GUCD1: variants seen among roughly 807,000 people sequenced by gnomAD.
The protein encoded by GUCD1 is protein GUCD1.
Under a neutral mutation model 28.3 loss-of-function variants are expected in GUCD1, and 17 were observed. That is an observed-to-expected ratio of 0.60 (90% CI 0.41 to 0.90). The LOEUF is 0.90. Among genes scored for constraint, GUCD1 ranks in the 40% least tolerant of loss-of-function variants. The pLI is 0.00. For synonymous variants in GUCD1, 129 were observed against 123.3 expected, an observed-to-expected ratio of 1.05 and a Z score of -0.30; for missense variants, 279 against 305.5, an observed-to-expected ratio of 0.91 and a Z score of 0.65.
chr22:24,555,543 C>T, upstream of GUCD1: 3 of 1,489,642 alleles, frequency 2.0e-6, no homozygotes, highest in South Asian at 1.2e-5. Flanking sequence ...TAACCCTGAG[C>T]GGGCAGCCGC....
rs2012212 is a variant in GUCD1 at position 24,542,362 on chromosome 22, C to G, written c.*644G>C. ...TGGAGGACCTGGAGGGCTGTGGGGGCTTTAAGAGTCTCCAGCGGCCAGGGC... is the reference window on the plus strand; with the variant it reads ...TGGAGGACCTGGAGGGCTGTGGGGGGTTTAAGAGTCTCCAGCGGCCAGGGC... On this transcript the variant is annotated 3_prime_UTR_variant, in exon 6 of 6. Transcript: ENST00000435822. 151,490 of 152,496 alleles carry G rather than the reference C, an allele frequency of 0.99. 75,297 individuals are homozygous for G. The highest frequency in any genetic ancestry group is 1 in the Middle Eastern group (296 of 296). The allele number at this position is 152,496 out of a possible 1,614,324, so 9.4% of individuals were successfully genotyped here.
At chr22:24,547,869 G>A (rs2044768576) in intron 3 of GUCD1, 39 bp downstream of exon 3, 2 of 1,610,008 alleles carry the variant, frequency 1.2e-6, no homozygotes, top group African/African-American at 2.7e-5. Context: ...ATACCTCTGT[G>A]TGGCCCCACA....
intron 4 of GUCD1, 25 bp from the exon 5 acceptor site, chr22:24,544,108 G>T (rs951282111): frequency 2.5e-6 from 4 of 1,598,754 alleles, no homozygotes; most frequent in Admixed American, 1.7e-5. Context: ...GGGGTCAGCT[G>T]GTGCTGCTGG....
intron 4 of GUCD1, among the ~76,000 whole-genome samples, chr22:24,546,567 C>T (rs2147080045): frequency 6.6e-6 from 1 of 152,336 alleles, no homozygotes; most frequent in South Asian, 2.1e-4. Flanking sequence ...ACTGCACCAG[C>T]ACATTCCTCT....
In GUCD1 at chr22:24,542,617, C is replaced by A; in HGVS notation, c.*389G>T. 3.9e-6 allele frequency: 1 copy of A among 256,614 alleles called. No individual in the cohort carries two copies. 15.9% of individuals were successfully genotyped at this position (256,614 alleles called of 1,614,324 possible). A position where few individuals can be genotyped will look rare whatever the true frequency, so the allele number is the denominator to read the frequency against. On this transcript the variant is annotated 3_prime_UTR_variant, in exon 6 of 6. Transcript: ENST00000435822. Reference sequence around the variant, plus strand: ...TGTCTCCAGACACTCACATACTGTCCTGACAAGTGGCATCCGTCAAGCAAC... The same window carrying A: ...TGTCTCCAGACACTCACATACTGTCATGACAAGTGGCATCCGTCAAGCAAC...
At chr22:24,555,550 C>T (rs2045037329), upstream of GUCD1, 2 of 1,512,750 alleles carry the variant, frequency 1.3e-6, no homozygotes, top group Non-Finnish European at 1.8e-6. Context: ...GAGCGGGCAG[C>T]CGCTCTACTC....
Position 24,546,028 on chromosome 22 carries a change from C to T in GUCD1, c.386+886G>A, listed in dbSNP as rs569920850. ...CCAGGCCGGAGTGCAGTGGCACTAT[C>T]TCGGCTCACTGCAAGCTCCGCCTCC... On this transcript the variant is annotated intron_variant, in intron 4 of 5. Transcript: ENST00000435822. 1.4e-4 allele frequency among the ~76,000 whole-genome samples: 21 copies of T among 151,990 alleles called. No individual in the cohort carries two copies. The East Asian group carries it at 4.1e-3, about 30-fold the overall frequency.
rs1430686343 is a variant in GUCD1 at position 24,542,959 on chromosome 22, G to T, written c.*47C>A. 3 of 1,402,002 alleles carry T rather than the reference G, an allele frequency of 2.1e-6. No individual in the cohort carries two copies. Among genetic ancestry groups the T allele is most frequent in the Non-Finnish European group, 1.0e-6 (1 of 987,668 alleles). 86.8% of individuals were successfully genotyped at this position (1,402,002 alleles called of 1,614,324 possible). A position where few individuals can be genotyped will look rare whatever the true frequency, so the allele number is the denominator to read the frequency against. On this transcript the variant is annotated 3_prime_UTR_variant, in exon 6 of 6. Transcript: ENST00000435822. Reference sequence around the variant, plus strand: ...CAGGGCATCCTGAGCGGGCCCGGCTGGGGTGGGGATGGGGTCCGAGGGCCT... The same window carrying T: ...CAGGGCATCCTGAGCGGGCCCGGCTTGGGTGGGGATGGGGTCCGAGGGCCT...
chr22:24,547,146 T>C (rs899553857), intron 3 of GUCD1, 141 bp from the exon 4 acceptor site: 8 of 665,336 alleles, frequency 1.2e-5, no homozygotes, highest in Admixed American at 1.1e-4. Flanking sequence ...AGACGGTACA[T>C]GCAGCAAGCC....
Position 24,555,117 on chromosome 22 carries a change from G to C in GUCD1, c.-126C>G. 7.6e-7 allele frequency: 1 copy of C among 1,317,908 alleles called. No homozygotes were observed. The highest frequency in any genetic ancestry group is 9.7e-7 in the Non-Finnish European group (1 of 1,034,218). The allele number at this position is 1,317,908 out of a possible 1,614,324, so 81.6% of individuals were successfully genotyped here. ...CTCCGCCACCGCCGCCGCTGCGGAG[G>C]AGAGAACGGGAGGCGGCGGCTGGGC... On this transcript the variant is annotated 5_prime_UTR_variant, in exon 1 of 6. Coordinates refer to ENST00000435822, the MANE Select transcript of GUCD1 (RefSeq NM_001284254.2).
chr22:24,543,908 T>G lies in GUCD1; in HGVS notation c.562A>C (p.Ile188Leu). The G allele has an allele frequency of 6.2e-7, 1 of 1,613,980 alleles. No individual in the cohort carries two copies. The highest frequency in any genetic ancestry group is 8.5e-7 in the Non-Finnish European group (1 of 1,179,944). ...CRTPDYQGHF[I>L]VLRGYNRATG... ...GCCCGGTTGTAGCCACGCAGCACGATGAAGTGGCCCTGGTAGTCAGGAGTG... is the reference window on the plus strand; with the variant it reads ...GCCCGGTTGTAGCCACGCAGCACGAGGAAGTGGCCCTGGTAGTCAGGAGTG... Residue 188 changes from isoleucine (I) to leucine (L), a missense_variant, in exon 5 of 6, where the codon ATC becomes CTC. Transcript: ENST00000435822.
rs749137861 is a variant in GUCD1 at position 24,547,911 on chromosome 22, G to A, written c.291C>T (p.Asn97=). ...GGCCTGGTGGCTGGTCGCTCACCTG[G>A]TTCTTGTAGCCCTTGTCGACACCCA... is the stretch of plus-strand genomic sequence containing the variant. ...QTLGVDKGYK[N]QSFYRKHFDT... Residue 97 remains asparagine, a synonymous_variant, in exon 3 of 6, where the codon AAC becomes AAT. Transcript: ENST00000435822. 1.1e-5 allele frequency: 17 copies of A among 1,614,070 alleles called. No individual in the cohort carries two copies. Among genetic ancestry groups the A allele is most frequent in the Middle Eastern group, 1.7e-4 (1 of 6,050 alleles).
At chr22:24,548,305 G>A (rs2044783108) in intron 2 of GUCD1, among the ~76,000 whole-genome samples, 1 of 152,182 alleles carries the variant, frequency 6.6e-6, no homozygotes, top group African/African-American at 2.4e-5. Flanking sequence ...TGTGTCTTGT[G>A]GGCTGTGACC....
At chr22:24,555,349 AAGCCCCGCCCCTTTCTTTG>A (rs1043929150), upstream of GUCD1, 14 of 1,363,244 alleles carry the variant, frequency 1.0e-5, no homozygotes, top group East Asian at 2.1e-4. Context: ...CGGGCCCCGG[AAGCCCCGCCCCTTTCTTTG>A]AGCCCCGCCC....
At chr22:24,546,401 T>A (rs896493047) in intron 4 of GUCD1, among the ~76,000 whole-genome samples, 1 of 152,204 alleles carries the variant, frequency 6.6e-6, no homozygotes, top group Non-Finnish European at 1.5e-5. Context: ...CACTCCCACG[T>A]AGCCCAGAAA....
upstream of GUCD1, chr22:24,555,270 G>T (rs998398893): frequency 2.4e-4 from 324 of 1,343,338 alleles, no homozygotes; most frequent in Non-Finnish European, 2.9e-4. Context: ...CCGGCCATTC[G>T]CCGCCTCAGC....
intron 3 of GUCD1, 29 bp downstream of exon 3, chr22:24,547,879 A>G (rs761602302): frequency 1.6e-5 from 26 of 1,612,276 alleles, no homozygotes; most frequent in Non-Finnish European, 2.0e-5. Flanking sequence ...GTGGCCCCAC[A>G]TGGGAAGGCC....
At chr22:24,548,512 C>G (rs770985316) in intron 2 of GUCD1, among the ~76,000 whole-genome samples, 2 of 152,232 alleles carry the variant, frequency 1.3e-5, no homozygotes, top group Non-Finnish European at 2.9e-5. Context: ...AACTCTTGTA[C>G]AAGGTGACGG....
chr22:24,541,079 T>C lies in GUCD1; in HGVS notation c.*1927A>G. Reference sequence around the variant, plus strand: ...TGGGTACTCCTGGGCCACCTGGCATTAAGGCAATGGAGATGAGACCAGTCT... The same window carrying C: ...TGGGTACTCCTGGGCCACCTGGCATCAAGGCAATGGAGATGAGACCAGTCT... On this transcript the variant is annotated 3_prime_UTR_variant, in exon 6 of 6. Transcript: ENST00000435822. 5.9e-6 allele frequency: 1 copy of C among 169,572 alleles called. No homozygotes were observed. The highest frequency in any genetic ancestry group is 1.9e-4 in the East Asian group (1 of 5,194). 10.5% of individuals were successfully genotyped at this position (169,572 alleles called of 1,614,324 possible).
Sources: gnomAD v4.1 joint callset for allele counts (sites outside exome capture counted in the v4.1 genomes callset) on GRCh38, gnomAD v4.1.1 for gene constraint, MANE v1.5 for transcripts, NCBI Gene and HGNC (gene_info 2026-07-23, HGNC 2026-07-21) for gene names.